Variants in BTBD9 observed in about 807,000 individuals in gnomAD.
The protein encoded by BTBD9 is BTB/POZ domain-containing protein 9.
BTBD9 carries 49 observed loss-of-function variants against 64.3 expected under a neutral mutation model. The ratio of observed to expected loss-of-function variants is 0.76; its 90% CI spans 0.61 to 0.97. The LOEUF (loss-of-function observed/expected upper bound fraction) is 0.97. Ranked by LOEUF, BTBD9 falls within the 50% of genes least tolerant of loss-of-function variation. The pLI is 0.00. For missense variants in BTBD9, 598 were observed against 762.1 expected (o/e 0.78, Z 2.53); for synonymous variants, 260 against 274.7 (o/e 0.95, Z 0.53).
intron 9 of BTBD9, among the ~76,000 whole-genome samples, chr6:38,207,561 T>C (rs889860957): frequency 6.6e-6 from 1 of 152,200 alleles, no homozygotes; most frequent in Non-Finnish European, 1.5e-5. Flanking sequence ...GGATCAGGGC[T>C]GCAGTGAGCC....
intron 6 of BTBD9, among the ~76,000 whole-genome samples, chr6:38,510,660 C>G (rs888275668): frequency 2.6e-5 from 4 of 152,080 alleles, no homozygotes; most frequent in African/African-American, 7.2e-5. Flanking sequence ...AAAATATTAC[C>G]TTTATATCCT....
intron 6 of BTBD9, among the ~76,000 whole-genome samples, chr6:38,361,390 A>G (rs1198363757): frequency 6.6e-6 from 1 of 152,028 alleles, no homozygotes; most frequent in African/African-American, 2.4e-5. Context: ...CAAAAACAGG[A>G]ATTTCAAAAT....
intron 6 of BTBD9, among the ~76,000 whole-genome samples, chr6:38,358,812 C>T (rs1478694448): frequency 4.6e-5 from 7 of 151,542 alleles, no homozygotes; most frequent in South Asian, 2.1e-4. Context: ...TCGCCCAGGC[C>T]GGACTGCGGA....
chr6:38,537,677 T>C (rs1774081027), intron 6 of BTBD9, among the ~76,000 whole-genome samples: 1 of 152,226 alleles, frequency 6.6e-6, no homozygotes, highest in African/African-American at 2.4e-5. Context: ...AAACATTAGA[T>C]AAAAGATTGG....
chr6:38,205,521 C>T (rs1424331927), intron 9 of BTBD9, among the ~76,000 whole-genome samples: 1 of 152,038 alleles, frequency 6.6e-6, no homozygotes, highest in Non-Finnish European at 1.5e-5. Flanking sequence ...TCACCTTCAT[C>T]CTCTCTTTGT....
At chr6:38,608,686 C>T (rs1239473108) in intron 1 of BTBD9, among the ~76,000 whole-genome samples, 1 of 151,972 alleles carries the variant, frequency 6.6e-6, no homozygotes, top group Non-Finnish European at 1.5e-5. Flanking sequence ...GTTTGTTAAA[C>T]CTAGTATCTT....
At chr6:38,512,130 C>T (rs1053667127) in intron 6 of BTBD9, among the ~76,000 whole-genome samples, 4 of 152,142 alleles carry the variant, frequency 2.6e-5, no homozygotes, top group African/African-American at 7.2e-5. Flanking sequence ...CGCACCATCA[C>T]GCCTGGCTAA....
intron 6 of BTBD9, among the ~76,000 whole-genome samples, chr6:38,366,654 G>C (rs1261463560): frequency 1.3e-5 from 2 of 152,200 alleles, no homozygotes; most frequent in Non-Finnish European, 2.9e-5. Flanking sequence ...ACATTGAAAT[G>C]CTCCTAAACA....
At chr6:38,204,248 ATG>A (rs1408453084) in intron 9 of BTBD9, among the ~76,000 whole-genome samples, 1 of 148,362 alleles carries the variant, frequency 6.7e-6, no homozygotes, top group African/African-American at 2.5e-5. Flanking sequence ...ATGAAAACAC[ATG>A]TCCACACAAA....
At chr6:38,296,938 T>C (rs1205613438) in intron 7 of BTBD9, among the ~76,000 whole-genome samples, 1 of 152,216 alleles carries the variant, frequency 6.6e-6, no homozygotes, top group Non-Finnish European at 1.5e-5. Flanking sequence ...CTTATGAATG[T>C]CTTATGTGTG....
At chr6:38,408,547 C>T (rs542863414) in intron 6 of BTBD9, among the ~76,000 whole-genome samples, 1 of 152,302 alleles carries the variant, frequency 6.6e-6, no homozygotes, top group Admixed American at 6.5e-5. Flanking sequence ...AAGACTGCCA[C>T]ATTGACACCT....
intron 9 of BTBD9, among the ~76,000 whole-genome samples, chr6:38,250,591 G>C (rs1226253358): frequency 2.0e-5 from 3 of 151,952 alleles, no homozygotes; most frequent in Non-Finnish European, 4.4e-5. Flanking sequence ...TCAATTTATA[G>C]TTAACATATA....
intron 6 of BTBD9, among the ~76,000 whole-genome samples, chr6:38,404,008 A>G (rs1417156285): frequency 1.3e-5 from 2 of 152,238 alleles, no homozygotes; most frequent in Non-Finnish European, 2.9e-5. Context: ...GATTCCATTT[A>G]CATGAAATGT....
Position 38,287,082 on chromosome 6 carries a change from C to CAAAAAAAAAA in BTBD9, c.1454+1180_1454+1189dup, listed in dbSNP as rs60618390. ...GGGTGACAATAGTGAGGCTCCATCT[C>CAAAAAAAAAA]AAAAAAAAAAAAAAAAAAAAAAAAT... On this transcript the variant is annotated intron_variant, in intron 8 of 10. Transcript: ENST00000481247. Among the ~76,000 whole-genome samples the CAAAAAAAAAA allele has an allele frequency of 3.2e-4, 8 of 25,368 alleles. 1 individual carries two copies. The highest frequency in any genetic ancestry group is 1.0e-3 in the African/African-American group (5 of 4,890). The allele number at this position is 25,368 out of a possible 152,430, so 16.6% of individuals were successfully genotyped here.
intron 7 of BTBD9, among the ~76,000 whole-genome samples, chr6:38,324,592 A>T (rs1164728327): frequency 6.6e-6 from 1 of 152,156 alleles, no homozygotes; most frequent in East Asian, 1.9e-4. Flanking sequence ...TACTAGGGTA[A>T]CAGCAGTAGT....
intron 6 of BTBD9, among the ~76,000 whole-genome samples, chr6:38,409,704 G>T (rs1319187754): frequency 6.6e-6 from 1 of 151,870 alleles, no homozygotes; most frequent in Non-Finnish European, 1.5e-5. Context: ...CGTGCCTGTA[G>T]TTCCAGCTAC....
chr6:38,588,525 G>T (rs950486614), intron 4 of BTBD9: 2 of 821,720 alleles, frequency 2.4e-6, no homozygotes, highest in South Asian at 4.0e-5. Context: ...CCTGGTTATC[G>T]ATAACGAGGC....
chr6:38,270,270 T>C (rs1054757060), intron 8 of BTBD9, among the ~76,000 whole-genome samples: 2 of 152,198 alleles, frequency 1.3e-5, no homozygotes, highest in African/African-American at 4.8e-5. Flanking sequence ...AGGACCTACA[T>C]GGGCATCCTG....
chr6:38,442,041 C>T (rs1313353265), intron 6 of BTBD9, among the ~76,000 whole-genome samples: 2 of 152,024 alleles, frequency 1.3e-5, no homozygotes, highest in Non-Finnish European at 2.9e-5. Flanking sequence ...GGCAAAACTG[C>T]GGCAAGAGAG....
Sources: gnomAD v4.1 joint callset for allele counts (sites outside exome capture counted in the v4.1 genomes callset) on GRCh38, gnomAD v4.1.1 for gene constraint, MANE v1.5 for transcripts, NCBI Gene and HGNC (gene_info 2026-07-23, HGNC 2026-07-21) for gene names.